The following AFG2A variants were observed in gnomAD, a reference collection of about 807,000 sequenced individuals.
The protein encoded by AFG2A is AAA ATPase AFG2A, also known as ATPase family gene 2 protein homolog A.
chr4:123,221,283 G>A, the AFG2A span, among the ~76,000 whole-genome samples: 2 of 152,164 alleles, frequency 1.3e-5, no homozygotes, highest in African/African-American at 2.4e-5. Flanking sequence ...AGCCTCTTGA[G>A]TAGCTGGAAC....
the AFG2A span, among the ~76,000 whole-genome samples, chr4:122,975,699 A>T: frequency 1.3e-5 from 2 of 152,018 alleles, no homozygotes; most frequent in Non-Finnish European, 2.9e-5. Flanking sequence ...AATGGACAGT[A>T]AGCATGTCTA....
chr4:123,229,207 G>A, the AFG2A span, among the ~76,000 whole-genome samples: 1 of 151,978 alleles, frequency 6.6e-6, no homozygotes, highest in Non-Finnish European at 1.5e-5. Context: ...ACATTGGAGG[G>A]AAAAAGCTAA....
chr4:122,970,474 A>AT, the AFG2A span, among the ~76,000 whole-genome samples: 198 of 140,718 alleles, frequency 1.4e-3, no homozygotes, highest in South Asian at 2.1e-3. Flanking sequence ...TAAAAAAAAA[A>AT]TTTTTTTTTT....
the AFG2A span, among the ~76,000 whole-genome samples, chr4:123,208,480 A>G: frequency 3.3e-5 from 5 of 152,230 alleles, no homozygotes; most frequent in African/African-American, 9.6e-5. Flanking sequence ...TGTCAAAACT[A>G]TTATAAAAAT....
chr4:123,076,927 A>C, the AFG2A span, among the ~76,000 whole-genome samples: 1 of 148,162 alleles, frequency 6.7e-6, no homozygotes, highest in African/African-American at 2.5e-5. Context: ...TATTCTACCC[A>C]AGATCATTTT....
At chr4:123,082,392 T>G in the AFG2A span, among the ~76,000 whole-genome samples, 2 of 152,190 alleles carry the variant, frequency 1.3e-5, no homozygotes, top group Admixed American at 1.3e-4. Context: ...GGACCATCTT[T>G]GCTCCCTTGT....
chr4:123,216,896 C>T, the AFG2A span, among the ~76,000 whole-genome samples: 1 of 152,002 alleles, frequency 6.6e-6, no homozygotes, highest in Non-Finnish European at 1.5e-5. Context: ...CTCATGTCTC[C>T]TGGCTTCAAG....
chr4:123,168,891 C>A, the AFG2A span, among the ~76,000 whole-genome samples: 3 of 152,134 alleles, frequency 2.0e-5, no homozygotes, highest in Admixed American at 2.0e-4. Flanking sequence ...TTAATTTAGT[C>A]TCTGGTTATC....
the AFG2A span, among the ~76,000 whole-genome samples, chr4:123,220,264 A>C: frequency 3.3e-5 from 5 of 152,166 alleles, no homozygotes; most frequent in African/African-American, 1.2e-4. Context: ...GTAACATTTT[A>C]AAAGTCCATG....
the AFG2A span, among the ~76,000 whole-genome samples, chr4:123,272,762 A>ATT: frequency 6.6e-6 from 1 of 150,720 alleles, no homozygotes; most frequent in East Asian, 1.9e-4. Flanking sequence ...TGAAGTCAAA[A>ATT]TAATAGTTGA....
the AFG2A span, among the ~76,000 whole-genome samples, chr4:123,011,251 C>A: frequency 1.3e-5 from 2 of 152,224 alleles, no homozygotes; most frequent in Non-Finnish European, 2.9e-5. Flanking sequence ...TCTGTCTTTG[C>A]CTCGCATTTA....
the AFG2A span, among the ~76,000 whole-genome samples, chr4:123,176,989 C>G: frequency 6.6e-6 from 1 of 152,052 alleles, no homozygotes; most frequent in Non-Finnish European, 1.5e-5. Context: ...AAAATGATAG[C>G]ATTAATATTT....
chr4:123,092,498 A>G, the AFG2A span, among the ~76,000 whole-genome samples: 29 of 152,318 alleles, frequency 1.9e-4, no homozygotes, highest in South Asian at 6.0e-3. Context: ...GCATTTTTCT[A>G]AATCAAGCTG....
chr4:123,109,887 A>G, the AFG2A span, among the ~76,000 whole-genome samples: 1 of 152,198 alleles, frequency 6.6e-6, no homozygotes, highest in Non-Finnish European at 1.5e-5. Context: ...TATTAACTAT[A>G]TTAATCAATT....
the AFG2A span, among the ~76,000 whole-genome samples, chr4:123,283,962 C>T: frequency 6.6e-6 from 1 of 152,184 alleles, no homozygotes; most frequent in South Asian, 2.1e-4. Context: ...TTCTTCCTAT[C>T]ATCTCTTTCT....
chr4:123,074,069 A>G, the AFG2A span, among the ~76,000 whole-genome samples: 4 of 147,162 alleles, frequency 2.7e-5, no homozygotes, highest in Admixed American at 6.8e-5. Context: ...ATTTCTTTCA[A>G]TAGTTTTGGG....
the AFG2A span, among the ~76,000 whole-genome samples, chr4:123,154,388 G>T: frequency 6.6e-6 from 1 of 152,154 alleles, no homozygotes; most frequent in Non-Finnish European, 1.5e-5. Flanking sequence ...AGCTCTTAAA[G>T]TGATAAAATA....
chr4:122,973,921 G>A, the AFG2A span, among the ~76,000 whole-genome samples: 119 of 152,178 alleles, frequency 7.8e-4, no homozygotes, highest in African/African-American at 2.7e-3. Flanking sequence ...CAAGCTCTCC[G>A]CCCGTCTCAG....
At chr4:123,238,189 G>C in the AFG2A span, among the ~76,000 whole-genome samples, 11 of 152,346 alleles carry the variant, frequency 7.2e-5, no homozygotes, top group South Asian at 2.3e-3. Flanking sequence ...CAAACTGGGT[G>C]GAGCCCACTG....
Sources: gnomAD v4.1 joint callset for allele counts (sites outside exome capture counted in the v4.1 genomes callset) on GRCh38, gnomAD v4.1.1 for gene constraint, MANE v1.5 for transcripts, NCBI Gene and HGNC (gene_info 2026-07-23, HGNC 2026-07-21) for gene names.